The following VPS13D variants were observed in gnomAD, a reference collection of about 807,000 sequenced individuals.
VPS13D encodes intermembrane lipid transfer protein VPS13D.
A neutral mutation model predicts 461.9 loss-of-function variants in VPS13D; 187 were observed. That is an observed-to-expected ratio of 0.40 (90% confidence interval 0.36 to 0.46). VPS13D has a LOEUF of 0.46. Among genes scored for constraint, VPS13D ranks in the 20% least tolerant of loss-of-function variants. The probability of loss-of-function intolerance (pLI) is 0.60; values close to 1 mark genes in which losing one functional copy is unlikely to be tolerated. For missense variants in VPS13D, 4,711 were observed against 5,364.9 expected (o/e 0.88, Z 3.81); for synonymous variants, 1,951 against 1,986.3 (o/e 0.98, Z 0.47).
intron 13 of VPS13D, among the ~76,000 whole-genome samples, chr1:12,264,501 G>A (rs1487823174): frequency 6.6e-6 from 1 of 152,210 alleles, no homozygotes; most frequent in Admixed American, 6.5e-5. Flanking sequence ...AGAAAGCAAA[G>A]CAGCCTTACT....
At chr1:12,323,621 A>G in intron 34 of VPS13D, 85 bp from the exon 35 acceptor site, 2 of 1,384,510 alleles carry the variant, frequency 1.4e-6, no homozygotes, top group Non-Finnish European at 2.0e-6. Context: ...GGGTTTTTAA[A>G]TTTCTTTTCT....
intron 37 of VPS13D, among the ~76,000 whole-genome samples, chr1:12,332,531 TAAGAA>T (rs1643357281): frequency 6.6e-6 from 1 of 152,184 alleles, no homozygotes; most frequent in Non-Finnish European, 1.5e-5. Context: ...TAAATGTTCT[TAAGAA>T]AGGTATATAT....
At chr1:12,347,737 T>C (rs1643706948) in intron 44 of VPS13D, among the ~76,000 whole-genome samples, 1 of 152,358 alleles carries the variant, frequency 6.6e-6, no homozygotes, top group East Asian at 1.9e-4. Flanking sequence ...TTGAATGTCA[T>C]GCCATTTGTT....
intron 65 of VPS13D, among the ~76,000 whole-genome samples, chr1:12,442,444 CTT>C (rs756895313): frequency 1.2e-4 from 18 of 152,182 alleles, no homozygotes; most frequent in Non-Finnish European, 2.4e-4. Context: ...ATGAAACAAA[CTT>C]ATATTGTGTG....
At chr1:12,329,795 C>A (rs756332021) in intron 36 of VPS13D, 34 bp from the exon 37 acceptor site, 142 of 1,594,892 alleles carry the variant, frequency 8.9e-5, no homozygotes, top group Non-Finnish European at 1.1e-4. Flanking sequence ...TTGCTCCTGC[C>A]CTGCCGCTGC....
chr1:12,406,631 T>TG (rs1440805633), intron 63 of VPS13D, among the ~76,000 whole-genome samples: 1 of 152,198 alleles, frequency 6.6e-6, no homozygotes, highest in Non-Finnish European at 1.5e-5. Flanking sequence ...GGTGGAAGAA[T>TG]GGGGAGATAA....
chr1:12,340,773 T>A (rs1404554710), intron 40 of VPS13D, among the ~76,000 whole-genome samples: 1 of 152,220 alleles, frequency 6.6e-6, no homozygotes, highest in South Asian at 2.1e-4. Flanking sequence ...CACACCTCCC[T>A]TTTTTTTGTT....
intron 65 of VPS13D, among the ~76,000 whole-genome samples, chr1:12,418,664 C>A (rs1223730087): frequency 6.6e-6 from 1 of 152,106 alleles, no homozygotes; most frequent in Non-Finnish European, 1.5e-5. Flanking sequence ...TATGACGTTA[C>A]AAAAATTTTG....
At chr1:12,384,848 T>G (rs1002718738) in intron 58 of VPS13D, among the ~76,000 whole-genome samples, 3 of 152,206 alleles carry the variant, frequency 2.0e-5, no homozygotes, top group Admixed American at 2.0e-4. Context: ...CTTGAACTTC[T>G]GGGATCAAGC....
At chr1:12,361,395 A>ATTTTTTTTTTTT (rs796776170) in intron 50 of VPS13D, among the ~76,000 whole-genome samples, 2 of 133,376 alleles carry the variant, frequency 1.5e-5, no homozygotes, top group African/African-American at 7.2e-5. Context: ...TTATTTATTT[A>ATTTTTTTTTTTT]TTTATTTATT....
In VPS13D at chr1:12,342,906, C is replaced by G. The variant is rs778626010; in HGVS notation, c.8740C>G (p.Leu2914Val). 1.2e-6 allele frequency: 2 copies of G among 1,610,522 alleles called. No homozygotes were observed. Among genetic ancestry groups the G allele is most frequent in the Non-Finnish European group, 1.7e-6 (2 of 1,177,350 alleles). The change falls in exon 42 of 70, where the codon CTC (leucine) becomes GTC (valine). Residue 2914 changes from leucine to valine, a missense_variant. Physicochemically the swap from Leu to Val is conservative, Grantham distance 32. Around this residue, in one of 3 missense-constraint regions of VPS13D, gnomAD observed 4,411 missense variants for 4,937.8 expected, o/e 0.89. Transcript: ENST00000620676. ...TLTTTPTRAA[L>V]SHSGSPGVVP... is the part of the protein sequence containing the mutation. ...CATCTGATTTGGTTCCAGAGCTGCA[C>G]TCTCTCACAGTGGGAGTCCAGGGGT...
At position 12,277,681 on chromosome 1, in the gene VPS13D, C is replaced by T. The variant is rs752420201; in HGVS notation, c.4093C>T (p.Leu1365=). The change falls in exon 19 of 70, where the codon CTA becomes TTA. Residue 1365 remains leucine (L), a synonymous_variant. Transcript: ENST00000620676. Reference sequence around the variant, plus strand: ...GGAAAATGAAATATATGGGTTTGACCTAGCTTCGTCTCATTTGGACACTGT... The same window carrying T: ...GGAAAATGAAATATATGGGTTTGACTTAGCTTCGTCTCATTTGGACACTGT... ...LEENEIYGFD[L]ASSHLDTVKL... The T allele has an allele frequency of 9.9e-6, 16 of 1,614,038 alleles. No homozygotes were observed. The highest frequency in any genetic ancestry group is 1.3e-5 in the African/African-American group (1 of 74,908).
chr1:12,257,077 A>G lies in VPS13D; in HGVS notation c.931A>G (p.Ile311Val). ...KFRRWKPKVAISKNCREWWYF... is the reference protein window; with the variant it reads ...KFRRWKPKVAVSKNCREWWYF... ...CCGAAGGTGGAAACCCAAGGTGGCG[A>G]TATCTAAGAAGTAAGGGCTTCTCAG... Residue 311 changes from isoleucine to valine, a missense_variant, in exon 9 of 70, where the codon ATA becomes GTA. Transcript: ENST00000620676. The G allele has an allele frequency of 1.9e-6, 3 of 1,614,144 alleles. No homozygotes were observed. Among genetic ancestry groups the G allele is most frequent in the Non-Finnish European group, 2.5e-6 (3 of 1,179,970 alleles).
chr1:12,392,361 C>T (rs12141459), intron 60 of VPS13D, among the ~76,000 whole-genome samples: 1 of 151,456 alleles, frequency 6.6e-6, no homozygotes, highest in East Asian at 2.0e-4. Context: ...TGCCTGTGGT[C>T]TCAGCTACTT....
rs1643883477 is a variant in VPS13D, at chr1:12,356,079, T to G, written c.9860T>G (p.Ile3287Ser). ...KIFISAPYWL[I>S]NKTGLPLIFR... ...TTCATTTCTGCTCCATATTGGCTGATTAACAAAACAGGTACATACAGGGGC... is the reference window on the plus strand; with the variant it reads ...TTCATTTCTGCTCCATATTGGCTGAGTAACAAAACAGGTACATACAGGGGC... Residue 3287 changes from isoleucine (I) to serine (S), a missense_variant, in exon 48 of 70, where the codon ATT becomes AGT. This residue lies in a region of VPS13D where 4,411 missense variants were observed against 4,937.8 expected (regional missense o/e 0.89). Transcript: ENST00000620676. 1 of 1,609,954 alleles carries G rather than the reference T, an allele frequency of 6.2e-7. No individual in the cohort carries two copies. The highest frequency in any genetic ancestry group is 8.5e-7 in the Non-Finnish European group (1 of 1,177,452).
In VPS13D at chr1:12,268,714, C is replaced by G. The variant is rs765755070; in HGVS notation, c.1810C>G (p.Pro604Ala). 1.2e-6 allele frequency: 2 copies of G among 1,613,048 alleles called. No homozygotes were observed. Among genetic ancestry groups the G allele is most frequent in the Middle Eastern group, 1.7e-4 (1 of 6,056 alleles). ...CCTGTTCTTTCCTTTAGCTGCAGAT[C>G]CAGATGGCCCCGTTTTTGAGATGCT... ...DRSDHYPAADPDGPVFEMLYE... is the reference protein window; with the variant it reads ...DRSDHYPAADADGPVFEMLYE... The change falls in exon 16 of 70, where the codon CCA (proline) becomes GCA (alanine). Residue 604 changes from proline to alanine, a missense_variant. Pro to Ala is a conservative substitution (Grantham distance 27). Coordinates refer to ENST00000620676, the MANE Select transcript of VPS13D (RefSeq NM_015378.4).
chr1:12,368,993 G>A (rs1557737372), intron 53 of VPS13D, among the ~76,000 whole-genome samples: 1 of 152,108 alleles, frequency 6.6e-6, no homozygotes, highest in Non-Finnish European at 1.5e-5. Context: ...AGTCAATATG[G>A]AAATCATTAG....
At chr1:12,325,767 AT>A (rs1214280981) in intron 35 of VPS13D, among the ~76,000 whole-genome samples, 1 of 152,158 alleles carries the variant, frequency 6.6e-6, no homozygotes, top group Non-Finnish European at 1.5e-5. Flanking sequence ...ATCAATACTG[AT>A]CTTTTTACAT....
At chr1:12,429,806 C>G (rs1244628766) in intron 65 of VPS13D, among the ~76,000 whole-genome samples, 1 of 152,186 alleles carries the variant, frequency 6.6e-6, no homozygotes, top group Non-Finnish European at 1.5e-5. Context: ...CTCATGAAGC[C>G]AGGTGGGCAC....
Sources: gnomAD v4.1 joint callset for allele counts (sites outside exome capture counted in the v4.1 genomes callset) on GRCh38, gnomAD v4.1.1 for gene constraint, gnomAD v4.1.1 regional missense constraint, MANE v1.5 for transcripts, NCBI Gene and HGNC (gene_info 2026-07-23, HGNC 2026-07-21) for gene names.